KIDINS220: variants seen among roughly 807,000 people sequenced by gnomAD.
KIDINS220 encodes kinase D-interacting substrate of 220 kDa.
A neutral mutation model predicts 157.6 loss-of-function variants in KIDINS220; 63 were observed. That is an observed-to-expected ratio of 0.40 (90% CI 0.33 to 0.49). KIDINS220 has a LOEUF of 0.49. Among genes scored for constraint, KIDINS220 ranks in the 20% least tolerant of loss-of-function variants. The probability of loss-of-function intolerance (pLI) is 0.66; values close to 1 mark genes in which losing one functional copy is unlikely to be tolerated. For synonymous variants in KIDINS220, 732 were observed against 783.6 expected (o/e 0.93, Z 1.10); for missense variants, 1,772 against 2,171.2 (o/e 0.82, Z 3.65).
intron 26 of KIDINS220, among the ~76,000 whole-genome samples, chr2:8,738,050 T>C (rs1486406695): frequency 6.6e-6 from 1 of 152,206 alleles, no homozygotes; most frequent in Non-Finnish European, 1.5e-5. Context: ...CTGGATACAG[T>C]TACAATTGTT....
At chr2:8,734,234 G>A (rs774658899) in intron 28 of KIDINS220, among the ~76,000 whole-genome samples, 2 of 152,142 alleles carry the variant, frequency 1.3e-5, no homozygotes, top group Non-Finnish European at 1.5e-5. Context: ...GGGTTAGTGA[G>A]GCGTTTGATC....
At position 8,802,932 on chromosome 2, in the gene KIDINS220, T is replaced by C. The variant is rs756232418; in HGVS notation, c.799A>G (p.Arg267Gly). 1.9e-6 allele frequency: 3 copies of C among 1,613,036 alleles called. No homozygotes were observed. The highest frequency in any genetic ancestry group is 8.5e-7 in the Non-Finnish European group (1 of 1,179,524). ...CAAATGTGAAATAGATGACCTACCCTGTCAGGTATGTTCACATATGTTCCA... is the reference window on the plus strand; with the variant it reads ...CAAATGTGAAATAGATGACCTACCCCGTCAGGTATGTTCACATATGTTCCA... ...DAGTYVNIPD[R>G]SGDTVLIGAV... Residue 267 changes from arginine (R) to glycine (G), a missense_variant and splice_region_variant, in exon 8 of 30, where the codon AGG (arginine) becomes GGG (glycine). By Grantham distance (125) the Arg-to-Gly change is moderately radical (BLOSUM62 -2). This residue lies in a region of KIDINS220 where 725 missense variants were observed against 1,017.1 expected (regional missense o/e 0.71). Transcript: ENST00000256707.
At chr2:8,781,077 T>C (rs558929227) in intron 17 of KIDINS220, among the ~76,000 whole-genome samples, 1 of 148,110 alleles carries the variant, frequency 6.8e-6, no homozygotes, top group African/African-American at 2.5e-5. Context: ...AGATTAAAAG[T>C]AAATGAATGG....
At chr2:8,799,025 C>T (rs539979289) in intron 9 of KIDINS220, among the ~76,000 whole-genome samples, 47 of 152,164 alleles carry the variant, frequency 3.1e-4, no homozygotes, top group African/African-American at 1.1e-3. Context: ...ACCAAAATTT[C>T]CTCAACAGTT....
At chr2:8,814,873 A>C (rs553251667) in intron 4 of KIDINS220, among the ~76,000 whole-genome samples, 1 of 152,310 alleles carries the variant, frequency 6.6e-6, no homozygotes, top group African/African-American at 2.4e-5. Context: ...CCTCTGGGAC[A>C]TCCTTCCCTC....
intron 22 of KIDINS220, among the ~76,000 whole-genome samples, chr2:8,762,734 A>G (rs903246874): frequency 2.0e-5 from 3 of 152,164 alleles, no homozygotes; most frequent in African/African-American, 7.2e-5. Flanking sequence ...GCGAGACCCC[A>G]TCTCAAAGAA....
rs184940185 is a variant in KIDINS220, at chr2:8,817,577, T to G, written c.306+41A>C. 339 of 1,089,566 alleles carry G rather than the reference T, an allele frequency of 3.1e-4. 1 individual carries two copies. In the African/African-American group the frequency reaches 4.9e-3, roughly 16 times the overall value. The allele number at this position is 1,089,566 out of a possible 1,614,324, so 67.5% of individuals were successfully genotyped here. On this transcript the variant is annotated intron_variant, in intron 4 of 29. Coordinates refer to ENST00000256707, the MANE Select transcript of KIDINS220 (RefSeq NM_020738.4). ...TTTCACACATATCTATGATTATAAA[T>G]AAGATTTCAGCTAATTAAGAACATA...
intron 22 of KIDINS220, among the ~76,000 whole-genome samples, chr2:8,761,234 G>A (rs887637270): frequency 3.3e-5 from 5 of 152,018 alleles, no homozygotes; most frequent in Non-Finnish European, 5.9e-5. Flanking sequence ...TATATAGAAC[G>A]CAAATGTTTG....
intron 2 of KIDINS220, among the ~76,000 whole-genome samples, chr2:8,822,620 C>T (rs933095296): frequency 2.6e-5 from 4 of 151,966 alleles, no homozygotes; most frequent in Admixed American, 2.6e-4. Flanking sequence ...GAGCAAGGCC[C>T]TGTCTCAAAA....
chr2:8,729,814 T>C lies in KIDINS220; in HGVS notation c.*906A>G. 4 of 982,348 alleles carry C rather than the reference T, an allele frequency of 4.1e-6. No homozygotes were observed. Among genetic ancestry groups the C allele is most frequent in the Non-Finnish European group, 4.8e-6 (4 of 827,092 alleles). 60.9% of individuals were successfully genotyped at this position (982,348 alleles called of 1,614,324 possible). ...CCTTTTTGATGTAATTATTTCCTCA[T>C]TCACTCATCTATAAATATTTATTAG... On this transcript the variant is annotated 3_prime_UTR_variant, in exon 30 of 30. Transcript: ENST00000256707.
downstream of KIDINS220, chr2:8,722,786 G>C (rs549254865): frequency 1.3e-5 from 2 of 152,226 alleles, no homozygotes; most frequent in South Asian, 4.2e-4. Context: ...TTAAGGCCAG[G>C]AGTTTGAGAA....
intron 27 of KIDINS220, 144 bp from the exon 28 acceptor site, chr2:8,734,897 C>T: frequency 7.1e-6 from 4 of 561,570 alleles, no homozygotes; most frequent in Non-Finnish European, 9.3e-6. Context: ...GGTTATCATC[C>T]CATATAATAA....
chr2:8,750,278 G>C lies in KIDINS220; in HGVS notation c.3248C>G (p.Pro1083Arg), dbSNP rs372824408. ...CGCCCTAGGAGGACCCTCATGTAGA[G>C]GGAGCGGGGGGTACGCCAGTCCTCC... ...SIGGLAYPPL[P>R]LHEGPPRAPS... The change falls in exon 24 of 30, where the codon CCT (proline) becomes CGT (arginine). Residue 1083 changes from proline to arginine, a missense_variant. By Grantham distance (103) the Pro-to-Arg change is moderately radical. Around this residue, in one of 3 missense-constraint regions of KIDINS220, gnomAD observed 793 missense variants for 885.5 expected, o/e 0.90. Transcript: ENST00000256707. 1 of 1,613,606 alleles carries C rather than the reference G, an allele frequency of 6.2e-7. No homozygotes were observed. Among genetic ancestry groups the C allele is most frequent in the Non-Finnish European group, 8.5e-7 (1 of 1,179,766 alleles).
At position 8,772,114 on chromosome 2, in the gene KIDINS220, C is replaced by T. The variant is rs551239536; in HGVS notation, c.2849-1282G>A. 5.3e-5 allele frequency among the ~76,000 whole-genome samples: 8 copies of T among 152,228 alleles called. 1 individual carries two copies. Among genetic ancestry groups the T allele is most frequent in the African/African-American group, 1.9e-4 (8 of 41,540 alleles). ...ATTCAGACAAAAGGAACAGCAAATGCACCATGCATGCATGCAAAGTCATGA... is the reference window on the plus strand; with the variant it reads ...ATTCAGACAAAAGGAACAGCAAATGTACCATGCATGCATGCAAAGTCATGA... On this transcript the variant is annotated intron_variant, in intron 21 of 29. Coordinates refer to ENST00000256707, the MANE Select transcript of KIDINS220 (RefSeq NM_020738.4).
In KIDINS220 at chr2:8,806,359, G is replaced by A. The variant is rs745361889; in HGVS notation, c.515C>T (p.Thr172Ile). 2 of 1,603,898 alleles carry A rather than the reference G, an allele frequency of 1.2e-6. No individual in the cohort carries two copies. The highest frequency in any genetic ancestry group is 3.4e-5 in the Admixed American group (2 of 59,350). Residue 172 changes from threonine (T) to isoleucine (I), a missense_variant, in exon 7 of 30, where the codon ACC becomes ATC. Thr to Ile is a moderately conservative substitution (Grantham distance 89). Around this residue, in one of 3 missense-constraint regions of KIDINS220, gnomAD observed 254 missense variants for 268.6 expected, o/e 0.95. Coordinates refer to ENST00000256707, the MANE Select transcript of KIDINS220 (RefSeq NM_020738.4). ...CTTTCGTGCAGCCCAAACTAAAGGG[G>A]TGGTTCCATACTATTAAAACAAACA... ...KVNCSDKYGT[T>I]PLVWAARKGH...
At position 8,730,376 on chromosome 2, in the gene KIDINS220, T is replaced by C. The variant is rs1339328530; in HGVS notation, c.*344A>G. On this transcript the variant is annotated 3_prime_UTR_variant, in exon 30 of 30. Coordinates refer to ENST00000256707, the MANE Select transcript of KIDINS220 (RefSeq NM_020738.4). ...TTTGCAAAAAGGGTCTCTAGCTTTT[T>C]TTCTTTTTGGCACATTAAGCCCTTT... 125 of 1,045,104 alleles carry C rather than the reference T, an allele frequency of 1.2e-4. 1 individual carries two copies. In the Middle Eastern group the frequency reaches 1.4e-3, roughly 11 times the overall value. The allele number at this position is 1,045,104 out of a possible 1,614,324, so 64.7% of individuals were successfully genotyped here.
At chr2:8,747,865 C>T (rs369934961) in intron 25 of KIDINS220, 22 bp downstream of exon 25, 159 of 1,403,086 alleles carry the variant, frequency 1.1e-4, no homozygotes, top group East Asian at 2.7e-4. Context: ...TTAATATTTG[C>T]GTTACCCTTT....
At chr2:8,812,572 A>G in intron 5 of KIDINS220, 79 bp from the exon 6 acceptor site, 1 of 665,348 alleles carries the variant, frequency 1.5e-6, no homozygotes, top group Non-Finnish European at 2.4e-6. Context: ...GGAGGGAGGG[A>G]AGGAGAAATA....
chr2:8,738,599 G>A (rs1475870003), intron 26 of KIDINS220, among the ~76,000 whole-genome samples: 2 of 152,148 alleles, frequency 1.3e-5, no homozygotes, highest in Non-Finnish European at 2.9e-5. Context: ...TAATCACGAG[G>A]AAACATCAGA....
Sources: allele counts gnomAD v4.1 joint callset (sites outside exome capture counted in the v4.1 genomes callset), GRCh38; gene constraint gnomAD v4.1.1; regional missense constraint gnomAD v4.1.1; transcripts MANE v1.5; gene names NCBI Gene and HGNC (gene_info 2026-07-23, HGNC 2026-07-21).